The following DLG5 variants were observed in gnomAD, a reference collection of about 807,000 sequenced individuals.
DLG5 encodes the protein discs large MAGUK scaffold protein 5.
A neutral mutation model predicts 189.8 loss-of-function variants in DLG5; 48 were observed. The ratio of observed to expected loss-of-function variants is 0.25; its 90% CI spans 0.20 to 0.32. DLG5 has a LOEUF of 0.32. Among genes scored for constraint, DLG5 ranks in the 10% least tolerant of loss-of-function variants. The pLI is 1.00. For missense variants in DLG5, 2,160 were observed against 2,544.7 expected (o/e 0.85, Z 3.25); for synonymous variants, 1,016 against 1,054.1 (o/e 0.96, Z 0.70).
rs1238699544 is a variant in DLG5 at position 77,826,027 on chromosome 10, G to A, written c.2290-1551C>T. ...TGAAAAACATTGGCAAAGATGTGAG[G>A]CAATGAGTTCCCCCACACACTGCAG... On this transcript the variant is annotated intron_variant, in intron 13 of 31. Coordinates refer to ENST00000372391, the MANE Select transcript of DLG5 (RefSeq NM_004747.4). Among the ~76,000 whole-genome samples the A allele has an allele frequency of 2.0e-5, 3 of 152,278 alleles. No homozygotes were observed. In the East Asian group the frequency reaches 5.8e-4, roughly 29 times the overall value.
At chr10:77,818,115 G>C (rs1303069583) in intron 17 of DLG5, among the ~76,000 whole-genome samples, 2 of 152,166 alleles carry the variant, frequency 1.3e-5, no homozygotes, top group East Asian at 1.9e-4. Context: ...GGGGCGGTCA[G>C]TATCATACCC....
At chr10:77,804,507 A>G (rs938604947) in intron 27 of DLG5, among the ~76,000 whole-genome samples, 1 of 152,210 alleles carries the variant, frequency 6.6e-6, no homozygotes, top group African/African-American at 2.4e-5. Flanking sequence ...GGAGGCAGCC[A>G]GCTGCCCTAC....
intron 1 of DLG5, among the ~76,000 whole-genome samples, chr10:77,919,433 C>G (rs913871540): frequency 1.3e-5 from 2 of 151,692 alleles, no homozygotes; most frequent in African/African-American, 4.8e-5. Context: ...GTGCTCAAAA[C>G]CCCACAGGAA....
At chr10:77,864,481 G>A (rs939319752) in intron 2 of DLG5, among the ~76,000 whole-genome samples, 18 of 152,164 alleles carry the variant, frequency 1.2e-4, no homozygotes, top group African/African-American at 3.9e-4. Context: ...ACCCAGAGCC[G>A]TCCAGGAAAG....
chr10:77,804,474 T>A (rs1199530772), intron 27 of DLG5, among the ~76,000 whole-genome samples: 1 of 152,130 alleles, frequency 6.6e-6, no homozygotes, highest in Non-Finnish European at 1.5e-5. Flanking sequence ...AAGGTCTTCA[T>A]TGTAAAAAGC....
At chr10:77,898,800 G>A (rs987505132) in intron 1 of DLG5, among the ~76,000 whole-genome samples, 14 of 152,190 alleles carry the variant, frequency 9.2e-5, no homozygotes, top group Admixed American at 2.6e-4. Flanking sequence ...AGGAAGCTCC[G>A]TGCTGTGCAA....
At chr10:77,805,629 T>G (rs756951798) in intron 27 of DLG5, 36 bp downstream of exon 27, 40 of 1,578,846 alleles carry the variant, frequency 2.5e-5, no homozygotes, top group Non-Finnish European at 3.4e-5. Context: ...AAGCCCCATC[T>G]GGAGAGCCCA....
Position 77,816,991 on chromosome 10 carries a change from G to A in DLG5, c.3874+16C>T. On this transcript the variant is annotated intron_variant, in intron 19 of 31. Transcript: ENST00000372391. ...CAGGAAAAGCAGGAGAGATGGGAAT[G>A]TCGAGAAGTCCTTACCTCTCTCGGA... 1 of 1,611,662 alleles carries A rather than the reference G, an allele frequency of 6.2e-7. No individual in the cohort carries two copies. Among genetic ancestry groups the A allele is most frequent in the Non-Finnish European group, 8.5e-7 (1 of 1,178,170 alleles).
At chr10:77,845,084 G>A (rs1843620286) in intron 5 of DLG5, 1 of 152,264 alleles carries the variant, frequency 6.6e-6, no homozygotes, top group South Asian at 2.1e-4. Context: ...AGGGTTTTAA[G>A]CTAGACAGCA....
At chr10:77,887,665 G>A (rs945582410) in intron 1 of DLG5, among the ~76,000 whole-genome samples, 5 of 152,302 alleles carry the variant, frequency 3.3e-5, no homozygotes, top group African/African-American at 1.2e-4. Context: ...AATACAAGCT[G>A]CCCTTGCCAA....
At chr10:77,799,765 C>T (rs1252100004) in intron 27 of DLG5, among the ~76,000 whole-genome samples, 1 of 152,142 alleles carries the variant, frequency 6.6e-6, no homozygotes, top group Non-Finnish European at 1.5e-5. Context: ...CACGCCACCA[C>T]ACTTGATTAG....
intron 5 of DLG5, among the ~76,000 whole-genome samples, chr10:77,849,184 GGGCCGGGAA>G (rs1303655915): frequency 2.0e-5 from 3 of 152,234 alleles, no homozygotes; most frequent in African/African-American, 7.2e-5. Context: ...ATCATGCAGA[GGGCCGGGAA>G]GCCCCACAAA....
At chr10:77,882,533 T>A (rs1028861051) in intron 1 of DLG5, among the ~76,000 whole-genome samples, 3 of 152,142 alleles carry the variant, frequency 2.0e-5, no homozygotes, top group African/African-American at 7.2e-5. Flanking sequence ...GCCTCTTCTC[T>A]TCCACAAACT....
intron 2 of DLG5, among the ~76,000 whole-genome samples, chr10:77,866,506 G>A (rs1844689312): frequency 6.6e-6 from 1 of 152,180 alleles, no homozygotes; most frequent in Non-Finnish European, 1.5e-5. Context: ...TAAGAACCCC[G>A]CCTTCTTCTT....
chr10:77,823,451 A>G (rs1842463756), intron 14 of DLG5, among the ~76,000 whole-genome samples: 1 of 152,174 alleles, frequency 6.6e-6, no homozygotes, highest in Non-Finnish European at 1.5e-5. Context: ...ATATTTCACT[A>G]AATTGTCTTT....
At chr10:77,837,520 C>T (rs1843205371) in intron 7 of DLG5, among the ~76,000 whole-genome samples, 1 of 152,178 alleles carries the variant, frequency 6.6e-6, no homozygotes, top group Non-Finnish European at 1.5e-5. Context: ...AAAATGAATT[C>T]ATCCCCAAAA....
chr10:77,852,701 G>C (rs767811546), intron 5 of DLG5, among the ~76,000 whole-genome samples: 1 of 152,116 alleles, frequency 6.6e-6, no homozygotes, highest in African/African-American at 2.4e-5. Context: ...GTGAGCCACC[G>C]CACCCAGCCT....
At chr10:77,813,784 G>T (rs1247173228) in intron 20 of DLG5, among the ~76,000 whole-genome samples, 3 of 152,292 alleles carry the variant, frequency 2.0e-5, no homozygotes, top group Admixed American at 2.0e-4. Flanking sequence ...AGGTTCCCAG[G>T]TTCCAGTGAC....
At chr10:77,870,847 G>C (rs1216591601) in intron 1 of DLG5, among the ~76,000 whole-genome samples, 3 of 152,248 alleles carry the variant, frequency 2.0e-5, no homozygotes, top group African/African-American at 7.2e-5. Flanking sequence ...GGGGACAGGA[G>C]AGACCTTGAG....
Sources: allele counts gnomAD v4.1 joint callset (sites outside exome capture counted in the v4.1 genomes callset), GRCh38; gene constraint gnomAD v4.1.1; transcripts MANE v1.5; gene names NCBI Gene and HGNC (gene_info 2026-07-23, HGNC 2026-07-21).